Variants in AGBL4 observed in about 807,000 individuals in gnomAD.
AGBL4 encodes the protein AGBL carboxypeptidase 4, also known as cytosolic carboxypeptidase 6.
A neutral mutation model predicts 66.4 loss-of-function variants in AGBL4; 58 were observed. The observed-to-expected ratio is 0.87, with a 90% CI of 0.71 to 1.09. The LOEUF is 1.09. Among genes scored for constraint, AGBL4 ranks in the 50% least tolerant of loss-of-function variants. The probability of loss-of-function intolerance (pLI) is 0.00; values close to 1 mark genes in which losing one functional copy is unlikely to be tolerated. For synonymous variants in AGBL4, 234 were observed against 222.9 expected (o/e 1.05, Z -0.44); for missense variants, 579 against 631.0 (o/e 0.92, Z 0.88).
chr1:49,913,490 C>T (rs191234895), intron 1 of AGBL4, among the ~76,000 whole-genome samples: 67 of 152,336 alleles, frequency 4.4e-4, no homozygotes, highest in African/African-American at 1.5e-3. Flanking sequence ...GCCCCTATGG[C>T]GTTGCTGGGC....
intron 2 of AGBL4, among the ~76,000 whole-genome samples, chr1:49,787,372 G>A (rs1213933103): frequency 5.3e-5 from 8 of 151,922 alleles, no homozygotes; most frequent in East Asian, 1.9e-4. Context: ...GCGTGGTGGC[G>A]GACGCCTGTA....
intron 6 of AGBL4, among the ~76,000 whole-genome samples, chr1:48,779,336 C>A (rs1645232161): frequency 6.6e-6 from 1 of 152,208 alleles, no homozygotes; most frequent in Non-Finnish European, 1.5e-5. Context: ...CCAAAGATAG[C>A]ATGTTTTAGC....
chr1:49,092,694 G>A (rs1557634086), intron 4 of AGBL4, among the ~76,000 whole-genome samples: 1 of 152,082 alleles, frequency 6.6e-6, no homozygotes, highest in Non-Finnish European at 1.5e-5. Flanking sequence ...GCCCTTCTCA[G>A]CAGACTGTGA....
At chr1:49,200,345 A>G (rs1647589976) in intron 4 of AGBL4, among the ~76,000 whole-genome samples, 1 of 152,176 alleles carries the variant, frequency 6.6e-6, no homozygotes, top group Non-Finnish European at 1.5e-5. Context: ...GCTTTTGACA[A>G]CAGCTGTCTA....
chr1:49,287,638 G>T (rs1033652264), intron 3 of AGBL4, among the ~76,000 whole-genome samples: 7 of 152,198 alleles, frequency 4.6e-5, no homozygotes, highest in African/African-American at 1.4e-4. Flanking sequence ...GGCCATCAGA[G>T]AAATGCAAAG....
At chr1:49,404,662 TTAAC>T (rs1645158292) in intron 3 of AGBL4, among the ~76,000 whole-genome samples, 1 of 152,252 alleles carries the variant, frequency 6.6e-6, no homozygotes, top group South Asian at 2.1e-4. Flanking sequence ...GTTTGTTTAA[TTAAC>T]TGAGTGTTTA....
At chr1:49,941,513 T>C (rs960431893) in intron 1 of AGBL4, among the ~76,000 whole-genome samples, 1 of 151,972 alleles carries the variant, frequency 6.6e-6, no homozygotes, top group African/African-American at 2.4e-5. Context: ...CAACAACACA[T>C]TAAAAGTATC....
chr1:49,203,108 C>G (rs4454588), intron 4 of AGBL4, among the ~76,000 whole-genome samples: 63,888 of 138,140 alleles, frequency 0.46, 16,482 homozygotes, highest in Non-Finnish European at 0.6. Flanking sequence ...AAAAAAGAAA[C>G]AAACAGAAAG....
In AGBL4 at chr1:49,284,492, A is replaced by T. The variant is rs1171757652; in HGVS notation, c.283-38628T>A. Reference sequence around the variant, plus strand: ...ACGAGCAAAATCACCAGCTAACTTCATAATGACAGGATCAAATTCACATAT... The same window carrying T: ...ACGAGCAAAATCACCAGCTAACTTCTTAATGACAGGATCAAATTCACATAT... On this transcript the variant is annotated intron_variant, in intron 3 of 13. Transcript: ENST00000371839. 2.0e-5 allele frequency among the ~76,000 whole-genome samples: 3 copies of T among 152,290 alleles called. No homozygotes were observed. The South Asian group carries it at 6.2e-4, about 32-fold the overall frequency.
intron 5 of AGBL4, among the ~76,000 whole-genome samples, chr1:49,010,912 A>G (rs2149005757): frequency 6.6e-6 from 1 of 152,152 alleles, no homozygotes; most frequent in African/African-American, 2.4e-5. Context: ...CGTTAGACCT[A>G]AAACCATAAA....
At chr1:48,554,838 A>C (rs1440614194) in intron 11 of AGBL4, among the ~76,000 whole-genome samples, 1 of 152,168 alleles carries the variant, frequency 6.6e-6, no homozygotes, top group African/African-American at 2.4e-5. Flanking sequence ...TTAGGACTTA[A>C]ACTCGGGTCT....
At chr1:49,314,646 T>C (rs1449221947) in intron 3 of AGBL4, among the ~76,000 whole-genome samples, 2 of 152,116 alleles carry the variant, frequency 1.3e-5, no homozygotes, top group Non-Finnish European at 2.9e-5. Context: ...AGCATTTTGG[T>C]TGTTTCCAAG....
chr1:49,126,191 C>A (rs894298595), intron 4 of AGBL4, among the ~76,000 whole-genome samples: 7 of 152,126 alleles, frequency 4.6e-5, no homozygotes, highest in Non-Finnish European at 1.5e-5. Flanking sequence ...ATTATCACTT[C>A]TGGAAAGGAC....
chr1:49,242,969 ATGTT>A (rs1169605016), intron 4 of AGBL4, among the ~76,000 whole-genome samples: 2 of 151,632 alleles, frequency 1.3e-5, no homozygotes, highest in Admixed American at 1.3e-4. Context: ...GTGAAGAAGA[ATGTT>A]TGTTTCATCT....
intron 1 of AGBL4, among the ~76,000 whole-genome samples, chr1:49,968,219 C>CAAA (rs10661536): frequency 7.9e-4 from 107 of 135,464 alleles, no homozygotes; most frequent in East Asian, 2.3e-3. Flanking sequence ...GGGAGACTGT[C>CAAA]AAAAAAAAAA....
At chr1:49,817,550 A>C (rs1645262369) in intron 2 of AGBL4, among the ~76,000 whole-genome samples, 1 of 152,204 alleles carries the variant, frequency 6.6e-6, no homozygotes, top group African/African-American at 2.4e-5. Context: ...ATTCAGACTC[A>C]ATTATTTATT....
intron 3 of AGBL4, among the ~76,000 whole-genome samples, chr1:49,380,892 C>T (rs1395449529): frequency 6.6e-6 from 1 of 152,108 alleles, no homozygotes; most frequent in Non-Finnish European, 1.5e-5. Context: ...CATAAAAACC[C>T]AAGAAGAAAA....
At chr1:48,719,031 G>A (rs1049973036) in intron 6 of AGBL4, among the ~76,000 whole-genome samples, 3 of 152,052 alleles carry the variant, frequency 2.0e-5, no homozygotes, top group Non-Finnish European at 2.9e-5. Context: ...GGATTCAGAC[G>A]GTTGTATGAC....
At chr1:49,274,805 GT>G (rs1644135747) in intron 3 of AGBL4, among the ~76,000 whole-genome samples, 1 of 152,000 alleles carries the variant, frequency 6.6e-6, no homozygotes, top group Admixed American at 6.6e-5. Flanking sequence ...CAGAACAAGA[GT>G]TAATTCATGG....
Sources: allele counts gnomAD v4.1 joint callset (sites outside exome capture counted in the v4.1 genomes callset), GRCh38; gene constraint gnomAD v4.1.1; transcripts MANE v1.5; gene names NCBI Gene and HGNC (gene_info 2026-07-23, HGNC 2026-07-21).